FAM81A: variants seen among roughly 807,000 people sequenced by gnomAD.
FAM81A encodes the protein family with sequence similarity 81 member A.
In FAM81A, 19 loss-of-function variants were observed where a neutral mutation model predicts 46.7. The ratio of observed to expected loss-of-function variants is 0.41; its 90% CI spans 0.28 to 0.60. The LOEUF (loss-of-function observed/expected upper bound fraction) is 0.60. Among genes scored for constraint, FAM81A ranks in the 20% least tolerant of loss-of-function variants. The probability of loss-of-function intolerance (pLI) is 0.34; values close to 1 mark genes in which losing one functional copy is unlikely to be tolerated. For missense variants in FAM81A, 377 were observed against 453.5 expected (o/e 0.83, Z 1.53); for synonymous variants, 183 against 152.9 (o/e 1.20, Z -1.45).
At chr15:59,492,594 G>T (rs150422273) in intron 4 of FAM81A, among the ~76,000 whole-genome samples, 3 of 152,264 alleles carry the variant, frequency 2.0e-5, no homozygotes, top group African/African-American at 7.2e-5. Flanking sequence ...TACGCAATTG[G>T]TGTTGTCTTC....
At chr15:59,428,740 C>T (rs1476674435) in intron 2 of FAM81A, among the ~76,000 whole-genome samples, 3 of 145,100 alleles carry the variant, frequency 2.1e-5, no homozygotes, top group Non-Finnish European at 4.5e-5. Context: ...AAGCTATTCT[C>T]ATGCCTCAAC....
chr15:59,417,305 A>G (rs1193946178), intron 2 of FAM81A, among the ~76,000 whole-genome samples: 1 of 151,778 alleles, frequency 6.6e-6, no homozygotes, highest in African/African-American at 2.4e-5. Context: ...CCCCTTTTAT[A>G]TTTACTTCGT....
Position 59,460,234 on chromosome 15 carries a change from A to T in FAM81A, c.294+28A>T. 1.9e-6 allele frequency: 3 copies of T among 1,613,918 alleles called. No homozygotes were observed. Among genetic ancestry groups the T allele is most frequent in the Non-Finnish European group, 2.5e-6 (3 of 1,179,882 alleles). ...AAGGTTTGTGAAAGTCAGGTGGCCT[A>T]TGTCCCTTTCCACAGAATTGCTCCA... is the stretch of plus-strand genomic sequence containing the variant. On this transcript the variant is annotated intron_variant, in intron 3 of 8. Coordinates refer to ENST00000288228, the MANE Select transcript of FAM81A (RefSeq NM_152450.3). This position sits in a 1 kb window ranked among gnomAD's most constrained non-coding sequence, Gnocchi z 4.4.
At chr15:59,490,550 G>A (rs2081969772) in intron 3 of FAM81A, among the ~76,000 whole-genome samples, 1 of 152,136 alleles carries the variant, frequency 6.6e-6, no homozygotes, top group Non-Finnish European at 1.5e-5. Context: ...ATGAGATATT[G>A]GCTGAGTGCA....
At position 59,487,200 on chromosome 15, in the gene FAM81A, T is replaced by A. The variant is rs200283177; in HGVS notation, c.295-5071T>A. On this transcript the variant is annotated intron_variant, in intron 3 of 8. Transcript: ENST00000288228. ...TATATATATATATTTTATATATATATTATATATATATCTTATATGTATATT... is the reference window on the plus strand; with the variant it reads ...TATATATATATATTTTATATATATAATATATATATATCTTATATGTATATT... Among the ~76,000 whole-genome samples the A allele has an allele frequency of 4.1e-5, 6 of 146,782 alleles. No homozygotes were observed. In the East Asian group the frequency reaches 1.2e-3, roughly 29 times the overall value.
intron 1 of FAM81A, among the ~76,000 whole-genome samples, chr15:59,400,632 G>A (rs1360160901): frequency 2.6e-5 from 4 of 152,110 alleles, no homozygotes; most frequent in African/African-American, 7.2e-5. Context: ...TCCTTCCCCT[G>A]CTCCCTTCAC....
intron 1 of FAM81A, chr15:59,401,732 A>C: frequency 1.3e-6 from 1 of 772,604 alleles, no homozygotes; most frequent in Non-Finnish European, 2.4e-6. Flanking sequence ...TCTGTCCAGC[A>C]GATAGGCAGG....
intron 2 of FAM81A, among the ~76,000 whole-genome samples, chr15:59,424,554 A>C (rs2081187276): frequency 1.3e-5 from 2 of 152,242 alleles, no homozygotes; most frequent in Non-Finnish European, 2.9e-5. Flanking sequence ...TAGGCATTAC[A>C]TACTTGACAA....
intron 2 of FAM81A, among the ~76,000 whole-genome samples, chr15:59,415,734 T>C (rs1276232561): frequency 1.3e-5 from 2 of 152,154 alleles, no homozygotes; most frequent in African/African-American, 2.4e-5. Context: ...AGCCACTAAG[T>C]TCATGATTTT....
chr15:59,513,405 C>T (rs1273829291), intron 6 of FAM81A, among the ~76,000 whole-genome samples: 3 of 152,246 alleles, frequency 2.0e-5, no homozygotes, highest in East Asian at 3.9e-4. Context: ...CCAGGAGTAT[C>T]GTGGACCCTC....
intron 3 of FAM81A, among the ~76,000 whole-genome samples, chr15:59,488,163 C>G (rs187359403): frequency 9.6e-4 from 146 of 152,156 alleles, no homozygotes; most frequent in Non-Finnish European, 5.9e-5. Context: ...AAATGAAAGA[C>G]AAAAAGCATA....
chr15:59,402,619 C>T (rs1316040354), intron 2 of FAM81A, among the ~76,000 whole-genome samples: 2 of 151,502 alleles, frequency 1.3e-5, no homozygotes, highest in African/African-American at 4.9e-5. Flanking sequence ...TGGCTCACTG[C>T]AACCTCTGCT....
intron 2 of FAM81A, among the ~76,000 whole-genome samples, chr15:59,412,718 G>GA (rs34110501): frequency 0.49 from 70,984 of 145,784 alleles, 18,275 homozygotes; most frequent in African/African-American, 0.66. Context: ...CCCTGTCACA[G>GA]AAAAAAAAAA....
upstream of FAM81A, among the ~76,000 whole-genome samples, chr15:59,434,539 CTT>C (rs1426907356): frequency 2.0e-5 from 3 of 152,328 alleles, no homozygotes; most frequent in African/African-American, 7.2e-5. Context: ...CCCCTGGAAA[CTT>C]TCTGCCCTTG....
chr15:59,482,393 T>C (rs1406895466), intron 3 of FAM81A, among the ~76,000 whole-genome samples: 2 of 152,122 alleles, frequency 1.3e-5, no homozygotes, highest in Admixed American at 6.6e-5. Flanking sequence ...CTCAGCCTCC[T>C]GAGTAGCTGG....
intron 2 of FAM81A, among the ~76,000 whole-genome samples, chr15:59,430,740 G>T (rs2081216440): frequency 6.6e-6 from 1 of 152,182 alleles, no homozygotes; most frequent in African/African-American, 2.4e-5. Context: ...ATTAGGAGCT[G>T]CATGTACATT....
chr15:59,506,172 T>G (rs564664617), intron 4 of FAM81A, among the ~76,000 whole-genome samples: 1 of 152,222 alleles, frequency 6.6e-6, no homozygotes, highest in Non-Finnish European at 1.5e-5. Context: ...TGTTTTGTTT[T>G]GTATTATCGT....
At chr15:59,426,403 C>T (rs1445824687) in intron 2 of FAM81A, among the ~76,000 whole-genome samples, 1 of 152,086 alleles carries the variant, frequency 6.6e-6, no homozygotes, top group African/African-American at 2.4e-5. Context: ...GTTGGGAGTT[C>T]AAGACCAGCC....
At position 59,465,812 on chromosome 15, in the gene FAM81A, A is replaced by G. The variant is rs1390730895; in HGVS notation, c.294+5606A>G. 2.0e-5 allele frequency among the ~76,000 whole-genome samples: 3 copies of G among 152,190 alleles called. 1 individual carries two copies. The highest frequency in any genetic ancestry group is 7.2e-5 in the African/African-American group (3 of 41,524). ...CTGCACCCATCAACTCATCATTTACATTAGATATTTCTCCTAATGCTATCC... is the reference window on the plus strand; with the variant it reads ...CTGCACCCATCAACTCATCATTTACGTTAGATATTTCTCCTAATGCTATCC... On this transcript the variant is annotated intron_variant, in intron 3 of 8. Transcript: ENST00000288228.
Sources: allele counts gnomAD v4.1 joint callset (sites outside exome capture counted in the v4.1 genomes callset), GRCh38; gene constraint gnomAD v4.1.1; non-coding constraint Gnocchi (gnomAD v3.1); transcripts MANE v1.5; gene names NCBI Gene and HGNC (gene_info 2026-07-23, HGNC 2026-07-21).